Variants in ALPK1 observed in about 807,000 individuals in gnomAD.
ALPK1 encodes alpha kinase 1, also known as alpha-protein kinase 1.
Under a neutral mutation model 120.6 loss-of-function variants are expected in ALPK1, and 110 were observed. That is an observed-to-expected ratio of 0.91 (90% CI 0.78 to 1.07). The LOEUF is 1.07. Ranked by LOEUF, ALPK1 falls within the 50% of genes least tolerant of loss-of-function variation. The pLI is 0.00. For missense variants in ALPK1, 1,498 were observed against 1,483.9 expected (o/e 1.01, Z -0.16); for synonymous variants, 582 against 560.3 (o/e 1.04, Z -0.55).
intron 2 of ALPK1, among the ~76,000 whole-genome samples, chr4:112,355,861 G>C (rs1016817705): frequency 2.0e-5 from 3 of 152,240 alleles, no homozygotes; most frequent in African/African-American, 7.2e-5. Context: ...CGCGAAGTCT[G>C]AACTGCCTGA....
Position 112,370,849 on chromosome 4 carries a change from C to G in ALPK1, c.-100-6829C>G, listed in dbSNP as rs1341358764. 2.6e-5 allele frequency among the ~76,000 whole-genome samples: 4 copies of G among 152,180 alleles called. No homozygotes were observed. In the East Asian group the frequency reaches 7.7e-4, roughly 29 times the overall value. On this transcript the variant is annotated intron_variant, in intron 2 of 15. Transcript: ENST00000650871. ...ACTAAACATGAATTACCTTGGAAAT[C>G]TCTTCTTCTTTTTAGAAATGTTGTC...
chr4:112,426,091 G>A lies in ALPK1; in HGVS notation c.622+340G>A, dbSNP rs879536309. 5 of 206,990 alleles carry A rather than the reference G, an allele frequency of 2.4e-5. No individual in the cohort carries two copies. The Admixed American group carries it at 2.8e-4, about 12-fold the overall frequency. 12.8% of individuals were successfully genotyped at this position (206,990 alleles called of 1,614,324 possible). Reference sequence around the variant, plus strand: ...CTATACCCACCGTGACACTGTTTTCGTTCATTCCTTAAGGTATTCATGAAT... The same window carrying A: ...CTATACCCACCGTGACACTGTTTTCATTCATTCCTTAAGGTATTCATGAAT... On this transcript the variant is annotated intron_variant, in intron 7 of 15. Transcript: ENST00000650871.
chr4:112,299,470 A>C (rs976374099), intron 1 of ALPK1, among the ~76,000 whole-genome samples: 4 of 152,186 alleles, frequency 2.6e-5, no homozygotes, highest in South Asian at 4.1e-4. Flanking sequence ...GTTAAGTAAG[A>C]AGTTGAGCTA....
intron 5 of ALPK1, among the ~76,000 whole-genome samples, chr4:112,412,616 G>A (rs1197486405): frequency 1.3e-5 from 2 of 151,982 alleles, no homozygotes; most frequent in East Asian, 3.9e-4. Context: ...TGGGGGGAGG[G>A]GGGCCTGCTA....
At chr4:112,302,781 T>C (rs1295663471) in intron 1 of ALPK1, among the ~76,000 whole-genome samples, 1 of 152,084 alleles carries the variant, frequency 6.6e-6, no homozygotes, top group Non-Finnish European at 1.5e-5. Context: ...TACATCCCTC[T>C]TGGTCTACTT....
At chr4:112,405,822 G>A (rs899015463) in intron 4 of ALPK1, among the ~76,000 whole-genome samples, 9 of 151,992 alleles carry the variant, frequency 5.9e-5, no homozygotes, top group African/African-American at 2.2e-4. Flanking sequence ...TGATTCACCC[G>A]CCTCGGCCTC....
rs528130930 is a variant in ALPK1 at position 112,305,309 on chromosome 4, G to T, written c.-153+7840G>T. 2.8e-4 allele frequency among the ~76,000 whole-genome samples: 42 copies of T among 151,914 alleles called. No homozygotes were observed. In the East Asian group the frequency reaches 7.7e-3, roughly 28 times the overall value. On this transcript the variant is annotated intron_variant, in intron 1 of 15. Coordinates refer to ENST00000650871, the MANE Select transcript of ALPK1 (RefSeq NM_025144.4). ...AAGAAAGTCATTGGTAGCTTGATGG[G>T]GATGGCATTGAATCTATAAATTACC... is the stretch of plus-strand genomic sequence containing the variant.
intron 2 of ALPK1, among the ~76,000 whole-genome samples, chr4:112,337,167 T>C (rs1729655839): frequency 6.6e-6 from 1 of 152,158 alleles, no homozygotes; most frequent in South Asian, 2.1e-4. Flanking sequence ...TTTATCTACT[T>C]TTTATAAATC....
At chr4:112,320,881 T>C (rs891323978) in intron 2 of ALPK1, among the ~76,000 whole-genome samples, 64 of 150,608 alleles carry the variant, frequency 4.2e-4, no homozygotes, top group African/African-American at 1.4e-3. Flanking sequence ...TTGGTTGTAA[T>C]ATCACCCATT....
intron 1 of ALPK1, among the ~76,000 whole-genome samples, chr4:112,298,030 C>T (rs1727620612): frequency 6.6e-6 from 1 of 152,096 alleles, no homozygotes; most frequent in African/African-American, 2.4e-5. Flanking sequence ...AGAGACAAAG[C>T]ATCCAGAAAA....
At chr4:112,349,884 T>G (rs1330022080) in intron 2 of ALPK1, among the ~76,000 whole-genome samples, 1 of 152,146 alleles carries the variant, frequency 6.6e-6, no homozygotes, top group Non-Finnish European at 1.5e-5. Context: ...ACTCTTAAGC[T>G]TTTTTTGTGA....
intron 2 of ALPK1, among the ~76,000 whole-genome samples, chr4:112,339,327 T>A (rs1729759309): frequency 1.3e-5 from 2 of 152,208 alleles, no homozygotes. Flanking sequence ...AATCAAAATG[T>A]CTCTTGCTTT....
intron 2 of ALPK1, among the ~76,000 whole-genome samples, chr4:112,327,990 G>C (rs548449578): frequency 1.3e-5 from 2 of 152,186 alleles, no homozygotes; most frequent in African/African-American, 4.8e-5. Flanking sequence ...GGAGGCACAC[G>C]TGAATTCTCA....
chr4:112,435,622 A>G (rs1338235275), intron 12 of ALPK1, among the ~76,000 whole-genome samples: 2 of 91,810 alleles, frequency 2.2e-5, no homozygotes, highest in Non-Finnish European at 4.6e-5. Flanking sequence ...ATATTCACTA[A>G]AAATGCTGGC....
intron 2 of ALPK1, chr4:112,357,451 T>A: frequency 1.4e-6 from 1 of 709,274 alleles, no homozygotes; most frequent in South Asian, 1.7e-5. Context: ...GGAGCACCAC[T>A]GCAGCAGAAA....
intron 1 of ALPK1, among the ~76,000 whole-genome samples, chr4:112,315,458 T>C (rs145941653): frequency 6.6e-6 from 1 of 152,334 alleles, no homozygotes; most frequent in African/African-American, 2.4e-5. Context: ...GAGTTTTCTC[T>C]CCTTTATGGT....
chr4:112,359,342 C>A, intron 2 of ALPK1: 1 of 395,320 alleles, frequency 2.5e-6, no homozygotes, highest in East Asian at 5.4e-5. Context: ...TGCTGACAGC[C>A]TACAAGCAGG....
At chr4:112,301,041 C>CA (rs199864287) in intron 1 of ALPK1, among the ~76,000 whole-genome samples, 21 of 148,796 alleles carry the variant, frequency 1.4e-4, no homozygotes, top group Admixed American at 5.4e-4. Context: ...TTTTTTTCTA[C>CA]AAAAAAAAAA....
At chr4:112,436,689 A>G (rs1244723922) in intron 12 of ALPK1, among the ~76,000 whole-genome samples, 1 of 152,236 alleles carries the variant, frequency 6.6e-6, no homozygotes, top group Non-Finnish European at 1.5e-5. Context: ...TAGAGCCTTC[A>G]GCAGGATGAT....
Sources: gnomAD v4.1 joint callset for allele counts (sites outside exome capture counted in the v4.1 genomes callset) on GRCh38, gnomAD v4.1.1 for gene constraint, MANE v1.5 for transcripts, NCBI Gene and HGNC (gene_info 2026-07-23, HGNC 2026-07-21) for gene names.